PTPRD: variants seen among roughly 807,000 people sequenced by gnomAD.
PTPRD encodes the protein receptor-type tyrosine-protein phosphatase delta.
In PTPRD, 34 loss-of-function variants were observed where a neutral mutation model predicts 214.5. The ratio of observed to expected loss-of-function variants is 0.16; its 90% CI spans 0.12 to 0.21. The LOEUF (loss-of-function observed/expected upper bound fraction) is 0.21. Among genes scored for constraint, PTPRD ranks in the 10% least tolerant of loss-of-function variants. The pLI, the probability that PTPRD is intolerant of heterozygous loss-of-function variation, is 1.00. For missense variants in PTPRD, 2,545 were observed against 2,398.7 expected, an observed-to-expected ratio of 1.06 and a Z score of -1.27; for synonymous variants, 1,128 against 845.7, an observed-to-expected ratio of 1.33 and a Z score of -5.79.
At chr9:9,223,997 G>C (rs567430327) in intron 9 of PTPRD, among the ~76,000 whole-genome samples, 1 of 152,076 alleles carries the variant, frequency 6.6e-6, no homozygotes, top group Non-Finnish European at 1.5e-5. Context: ...TATAACAAAT[G>C]TATTTCTACT....
At chr9:8,796,064 G>A (rs745765421) in intron 11 of PTPRD, among the ~76,000 whole-genome samples, 2 of 152,164 alleles carry the variant, frequency 1.3e-5, no homozygotes, top group Admixed American at 1.3e-4. Flanking sequence ...TAACAAAAAC[G>A]TATGAAGTTA....
intron 10 of PTPRD, among the ~76,000 whole-genome samples, chr9:9,139,789 G>A (rs943544407): frequency 2.0e-5 from 3 of 152,150 alleles, no homozygotes; most frequent in Non-Finnish European, 4.4e-5. Context: ...GTGCAACCAC[G>A]GCTGAGAGAA....
intron 14 of PTPRD, among the ~76,000 whole-genome samples, chr9:8,596,773 G>A (rs1027684731): frequency 6.6e-6 from 1 of 152,022 alleles, no homozygotes; most frequent in Non-Finnish European, 1.5e-5. Flanking sequence ...ATCTAAGCTA[G>A]GCAACACAAA....
At chr9:9,508,343 G>A (rs920882364) in intron 8 of PTPRD, among the ~76,000 whole-genome samples, 1 of 151,224 alleles carries the variant, frequency 6.6e-6, no homozygotes, top group Non-Finnish European at 1.5e-5. Flanking sequence ...CTTTCAACGC[G>A]TTGTTTCTTC....
At chr9:9,916,993 TAA>T (rs1327319083) in intron 5 of PTPRD, among the ~76,000 whole-genome samples, 1 of 151,586 alleles carries the variant, frequency 6.6e-6, no homozygotes, top group Non-Finnish European at 1.5e-5. Context: ...GAATGAAATT[TAA>T]AAATCTCTTG....
At chr9:8,374,503 G>A (rs936029889) in intron 39 of PTPRD, among the ~76,000 whole-genome samples, 8 of 151,954 alleles carry the variant, frequency 5.3e-5, no homozygotes, top group Non-Finnish European at 1.0e-4. Context: ...AACTGGAGTG[G>A]CCAGTCCTCA....
At chr9:8,616,620 C>CA (rs2095619842) in intron 14 of PTPRD, among the ~76,000 whole-genome samples, 1 of 151,846 alleles carries the variant, frequency 6.6e-6, no homozygotes, top group Admixed American at 6.6e-5. Flanking sequence ...TATTTCTTAT[C>CA]AAAAAAAGAT....
chr9:8,523,451 T>G (rs903047521), intron 19 of PTPRD, 62 bp downstream of exon 19: 29 of 1,558,088 alleles, frequency 1.9e-5, no homozygotes, highest in Non-Finnish European at 2.3e-5. Context: ...TCATTTGTAT[T>G]CTTTGTTATT....
intron 3 of PTPRD, among the ~76,000 whole-genome samples, chr9:10,158,659 G>C (rs369705929): frequency 8.6e-4 from 131 of 152,188 alleles, no homozygotes; most frequent in African/African-American, 3.0e-3. Flanking sequence ...TGAGCATATG[G>C]TAAAAGAACC....
chr9:8,768,511 C>CTTCA (rs113379013), intron 11 of PTPRD, among the ~76,000 whole-genome samples: 4 of 152,122 alleles, frequency 2.6e-5, no homozygotes, highest in African/African-American at 9.7e-5. Context: ...ACAGATTGAA[C>CTTCA]CACTGTACTT....
chr9:9,513,789 G>A (rs1272949043), intron 8 of PTPRD, among the ~76,000 whole-genome samples: 2 of 151,952 alleles, frequency 1.3e-5, no homozygotes, highest in East Asian at 3.9e-4. Flanking sequence ...GGACCTCAAT[G>A]ATAGTCATTG....
At chr9:8,933,662 T>C (rs1359540287) in intron 11 of PTPRD, among the ~76,000 whole-genome samples, 3 of 152,138 alleles carry the variant, frequency 2.0e-5, no homozygotes. Context: ...ACTATAGAAA[T>C]ATTTGACTCA....
intron 12 of PTPRD, 28 bp downstream of exon 12, chr9:8,733,752 C>T (rs776691364): frequency 4.5e-6 from 7 of 1,548,788 alleles, no homozygotes; most frequent in Non-Finnish European, 5.2e-6. Flanking sequence ...ATGGTCACAG[C>T]CCCCTAGAGA....
At chr9:10,601,754 C>T (rs74378976) in intron 2 of PTPRD, among the ~76,000 whole-genome samples, 8,024 of 151,778 alleles carry the variant, frequency 0.053, 322 homozygotes, top group Middle Eastern at 0.14. Flanking sequence ...AAGGCAAAAA[C>T]TCTAGCTCAT....
chr9:10,193,728 C>T (rs1331714746), intron 3 of PTPRD, among the ~76,000 whole-genome samples: 3 of 152,050 alleles, frequency 2.0e-5, no homozygotes, highest in South Asian at 4.2e-4. Flanking sequence ...TTGGGTAACA[C>T]GTATGGTATC....
intron 14 of PTPRD, among the ~76,000 whole-genome samples, chr9:8,610,077 A>G (rs2095388967): frequency 6.6e-6 from 1 of 152,162 alleles, no homozygotes; most frequent in Non-Finnish European, 1.5e-5. Context: ...CCTGTAGACT[A>G]AAGTGGTTTA....
intron 2 of PTPRD, among the ~76,000 whole-genome samples, chr9:10,477,616 C>A (rs187266762): frequency 3.7e-3 from 565 of 152,230 alleles, no homozygotes; most frequent in African/African-American, 0.013. Context: ...TTTGACCCAG[C>A]AATCCCATTA....
intron 21 of PTPRD, among the ~76,000 whole-genome samples, chr9:8,514,041 T>C (rs890624596): frequency 6.6e-6 from 1 of 152,162 alleles, no homozygotes; most frequent in African/African-American, 2.4e-5. Context: ...TTTTCTGAGT[T>C]CTGTCATTAA....
intron 9 of PTPRD, among the ~76,000 whole-genome samples, chr9:9,313,141 T>G (rs2135559643): frequency 6.6e-6 from 1 of 152,300 alleles, no homozygotes; most frequent in South Asian, 2.1e-4. Context: ...AACCTAACTC[T>G]ATCTCAATTA....
Sources: allele counts gnomAD v4.1 joint callset (sites outside exome capture counted in the v4.1 genomes callset), GRCh38; gene constraint gnomAD v4.1.1; transcripts MANE v1.5; gene names NCBI Gene and HGNC (gene_info 2026-07-23, HGNC 2026-07-21).